The following GALNT13 variants were observed in gnomAD, a reference collection of about 807,000 sequenced individuals.
The protein encoded by GALNT13 is UDP-GalNAc:polypeptide N-acetylgalactosaminyltransferase 13.
GALNT13 carries 28 observed loss-of-function variants against 64.2 expected under a neutral mutation model. The observed-to-expected ratio is 0.44, with a 90% confidence interval of 0.32 to 0.60. The LOEUF (loss-of-function observed/expected upper bound fraction) is 0.60, where lower values mean the gene tolerates loss of function less well. Among genes scored for constraint, GALNT13 ranks in the 20% least tolerant of loss-of-function variants. GALNT13 has a pLI of 0.05. For missense variants in GALNT13, 577 were observed against 669.8 expected (o/e 0.86, Z 1.53); for synonymous variants, 214 against 224.6 (o/e 0.95, Z 0.42).
the GALNT13 span, among the ~76,000 whole-genome samples, chr2:153,250,713 G>A: frequency 6.6e-6 from 1 of 152,160 alleles, no homozygotes; most frequent in African/African-American, 2.4e-5. Context: ...AAAAAAGAAT[G>A]AGTTCATGTC....
chr2:153,201,981 T>C, the GALNT13 span, among the ~76,000 whole-genome samples: 28 of 146,680 alleles, frequency 1.9e-4, no homozygotes, highest in Middle Eastern at 3.5e-3. Flanking sequence ...TTCTTTTTTT[T>C]TTTTTTTTTT....
chr2:154,223,671 G>C (rs139690032), intron 4 of GALNT13, among the ~76,000 whole-genome samples: 1 of 151,574 alleles, frequency 6.6e-6, no homozygotes, highest in East Asian at 1.9e-4. Context: ...GACTGGTCTC[G>C]AATAAATTTA....
the GALNT13 span, among the ~76,000 whole-genome samples, chr2:153,855,773 T>C: frequency 1.3e-5 from 2 of 152,126 alleles, no homozygotes; most frequent in Non-Finnish European, 2.9e-5. Context: ...TCCACACAAA[T>C]ACTTACAAGT....
chr2:153,109,133 C>A, the GALNT13 span, among the ~76,000 whole-genome samples: 1 of 152,056 alleles, frequency 6.6e-6, no homozygotes, highest in Non-Finnish European at 1.5e-5. Flanking sequence ...TGTTTTAGTA[C>A]CCTACATATC....
the GALNT13 span, among the ~76,000 whole-genome samples, chr2:153,597,806 A>G: frequency 6.6e-6 from 1 of 152,078 alleles, no homozygotes; most frequent in Non-Finnish European, 1.5e-5. Flanking sequence ...GAGCAACTCT[A>G]AAAAAGTAAT....
intron 11 of GALNT13, chr2:154,409,374 T>G (rs1574253841): frequency 3.1e-6 from 1 of 327,866 alleles, no homozygotes; most frequent in East Asian, 6.7e-5. Flanking sequence ...GGAGTACATT[T>G]TATTCTATTA....
the GALNT13 span, among the ~76,000 whole-genome samples, chr2:153,301,713 T>C: frequency 2.0e-5 from 3 of 152,166 alleles, no homozygotes; most frequent in South Asian, 4.1e-4. Flanking sequence ...CCACCCCAGT[T>C]CTCTGCTTCC....
chr2:153,404,998 A>G, the GALNT13 span, among the ~76,000 whole-genome samples: 1,282 of 152,254 alleles, frequency 8.4e-3, 16 homozygotes, highest in African/African-American at 0.027. Flanking sequence ...CAGATATCCA[A>G]TTGAATTTGG....
At chr2:154,199,727 G>T (rs1216035036) in intron 4 of GALNT13, among the ~76,000 whole-genome samples, 1 of 151,936 alleles carries the variant, frequency 6.6e-6, no homozygotes, top group African/African-American at 2.4e-5. Flanking sequence ...TAAAACTGGA[G>T]ATTGTAATAC....
intron 11 of GALNT13, among the ~76,000 whole-genome samples, chr2:154,426,530 C>T (rs933191199): frequency 4.6e-5 from 7 of 152,142 alleles, no homozygotes; most frequent in African/African-American, 1.4e-4. Flanking sequence ...AATATGTGTA[C>T]ATTCAAGCAT....
chr2:153,976,167 C>A (rs146920432), intron 3 of GALNT13, among the ~76,000 whole-genome samples: 2 of 152,002 alleles, frequency 1.3e-5, no homozygotes, highest in Non-Finnish European at 2.9e-5. Context: ...AGGATATGTT[C>A]TATAAAAGTG....
At chr2:153,251,387 G>T in the GALNT13 span, among the ~76,000 whole-genome samples, 2 of 152,046 alleles carry the variant, frequency 1.3e-5, no homozygotes, top group African/African-American at 4.8e-5. Flanking sequence ...ATAGACAATT[G>T]TCGTCTTGTT....
intron 9 of GALNT13, among the ~76,000 whole-genome samples, chr2:154,364,612 G>C (rs967541907): frequency 6.6e-6 from 1 of 152,062 alleles, no homozygotes; most frequent in Non-Finnish European, 1.5e-5. Flanking sequence ...TTTCTTATAT[G>C]ACTATTGAGT....
At chr2:154,074,916 C>A (rs149089861) in intron 3 of GALNT13, among the ~76,000 whole-genome samples, 6,416 of 151,874 alleles carry the variant, frequency 0.042, 417 homozygotes, top group Admixed American at 0.2. Context: ...TAATAAGAGC[C>A]ATCTATGACA....
chr2:154,422,251 C>T (rs1357449167), intron 11 of GALNT13, among the ~76,000 whole-genome samples: 1 of 152,240 alleles, frequency 6.6e-6, no homozygotes, highest in Non-Finnish European at 1.5e-5. Context: ...TTGGACTGCA[C>T]TTTTGTTATT....
the GALNT13 span, among the ~76,000 whole-genome samples, chr2:153,738,344 T>C: frequency 6.6e-6 from 1 of 152,190 alleles, no homozygotes; most frequent in East Asian, 1.9e-4. Context: ...ACATGGAAAT[T>C]TGAAAGTTGT....
the GALNT13 span, among the ~76,000 whole-genome samples, chr2:153,674,663 C>A: frequency 6.6e-6 from 1 of 152,060 alleles, no homozygotes; most frequent in Non-Finnish European, 1.5e-5. Context: ...GACTAAAACA[C>A]AAAAAGCAAT....
chr2:153,366,720 GACACACACACACACACAC>G, the GALNT13 span, among the ~76,000 whole-genome samples: 151 of 109,154 alleles, frequency 1.4e-3, no homozygotes, highest in East Asian at 4.8e-3. Flanking sequence ...AGCACACAGG[GACACACACACACACACAC>G]ACACACACAC....
chr2:153,358,708 A>T, the GALNT13 span, among the ~76,000 whole-genome samples: 1 of 152,154 alleles, frequency 6.6e-6, no homozygotes, highest in African/African-American at 2.4e-5. Flanking sequence ...TTATAAATAT[A>T]TATAAAACTA....
Sources: allele counts gnomAD v4.1 joint callset (sites outside exome capture counted in the v4.1 genomes callset), GRCh38; gene constraint gnomAD v4.1.1; transcripts MANE v1.5; gene names NCBI Gene and HGNC (gene_info 2026-07-23, HGNC 2026-07-21).